The following SNX32 variants were observed in gnomAD, a reference collection of about 807,000 sequenced individuals.
SNX32 encodes the protein sorting nexin 32, also known as sorting nexin-32.
SNX32 carries 58 observed loss-of-function variants against 57.0 expected under a neutral mutation model. That is an observed-to-expected ratio of 1.02 (90% CI 0.82 to 1.27). SNX32 has a LOEUF of 1.27. SNX32 is among the 50% of genes most tolerant of loss of function. The pLI, the probability that SNX32 is intolerant of heterozygous loss-of-function variation, is 0.00. For synonymous variants in SNX32, 262 were observed against 220.4 expected (o/e 1.19, Z -1.67); for missense variants, 589 against 541.2 (o/e 1.09, Z -0.88).
In SNX32 at chr11:65,840,755, G is replaced by A. The variant is rs530087366; in HGVS notation, c.36+6654G>A. On this transcript the variant is annotated intron_variant, in intron 1 of 12. Transcript: ENST00000308342. ...GGAGTTCAAGGCTGCCATGAGCCAAGATGGCACTACCACACTCCATCCTGG... is the reference window on the plus strand; with the variant it reads ...GGAGTTCAAGGCTGCCATGAGCCAAAATGGCACTACCACACTCCATCCTGG... Among the ~76,000 whole-genome samples the A allele has an allele frequency of 3.7e-3, 550 of 150,532 alleles. 2 individuals carry two copies. Among genetic ancestry groups the A allele is most frequent in the Non-Finnish European group, 6.5e-3 (444 of 67,838 alleles).
At chr11:65,848,179 T>C (rs1010200730) in intron 1 of SNX32, among the ~76,000 whole-genome samples, 1 of 151,986 alleles carries the variant, frequency 6.6e-6, no homozygotes, top group Non-Finnish European at 1.5e-5. Context: ...GGCCTCCAGA[T>C]TGAGAGGTGG....
chr11:65,844,923 G>A (rs1057492372), intron 1 of SNX32, among the ~76,000 whole-genome samples: 8 of 149,618 alleles, frequency 5.3e-5, no homozygotes, highest in Admixed American at 2.7e-4. Context: ...CTAAGATCAC[G>A]TCACTGCACT....
At position 65,851,664 on chromosome 11, in the gene SNX32, C is replaced by G; in HGVS notation, c.810C>G (p.Leu270=). 1 of 1,614,116 alleles carries G rather than the reference C, an allele frequency of 6.2e-7. No individual in the cohort carries two copies. Among genetic ancestry groups the G allele is most frequent in the Non-Finnish European group, 8.5e-7 (1 of 1,180,004 alleles). ...GGAGCTTCCTCAAATTGGCAGAGCT[C>G]TTTGAACGGCTGAGGGTGAGTACTG... is the stretch of plus-strand genomic sequence containing the variant. The part of the protein sequence containing the change: ...LRTSFLKLAE[L]FERLRKLEGR... Residue 270 remains leucine (L), a synonymous_variant, in exon 9 of 13, where the codon CTC becomes CTG. Transcript: ENST00000308342.
intron 1 of SNX32, among the ~76,000 whole-genome samples, chr11:65,845,337 C>CT (rs1244885474): frequency 1.3e-5 from 2 of 151,458 alleles, no homozygotes; most frequent in African/African-American, 4.9e-5. Context: ...ACTAGGGAGG[C>CT]TGAGGCAGGA....
At chr11:65,846,557 ACT>A (rs1368956445) in intron 1 of SNX32, among the ~76,000 whole-genome samples, 2 of 151,074 alleles carry the variant, frequency 1.3e-5, no homozygotes, top group East Asian at 3.9e-4. Context: ...CAAGAGTGAA[ACT>A]CTGTCTCGAA....
At position 65,849,866 on chromosome 11, in the gene SNX32, C is replaced by T. The variant is rs142223332; in HGVS notation, c.142-54C>T. ...GCCCAAAAGTGCATGCCCAGACTTG[C>T]TGAGGCAGGGCTTGGGGCAGAGAGA... On this transcript the variant is annotated intron_variant, in intron 2 of 12. Transcript: ENST00000308342. 55 of 1,436,204 alleles carry T rather than the reference C, an allele frequency of 3.8e-5. No individual in the cohort carries two copies. In the African/African-American group the frequency reaches 7.1e-4, roughly 19 times the overall value. The allele number at this position is 1,436,204 out of a possible 1,614,324, so 89.0% of individuals were successfully genotyped here. A position where few individuals can be genotyped will look rare whatever the true frequency, so the allele number is the denominator to read the frequency against.
chr11:65,853,107 G>A (rs1369506424), intron 12 of SNX32, 149 bp downstream of exon 12: 1 of 1,274,846 alleles, frequency 7.8e-7, no homozygotes, highest in African/African-American at 1.5e-5. Flanking sequence ...CTAAGGCTTG[G>A]GGCCATGCTT....
At position 65,849,552 on chromosome 11, in the gene SNX32, G is replaced by A. The variant is rs373141731; in HGVS notation, c.111G>A (p.Arg37=). 37 of 1,614,194 alleles carry A rather than the reference G, an allele frequency of 2.3e-5. No homozygotes were observed. Among genetic ancestry groups the A allele is most frequent in the Non-Finnish European group, 3.0e-5 (35 of 1,180,018 alleles). The change falls in exon 2 of 13, where the codon CGG becomes CGA. Residue 37 remains arginine, a synonymous_variant. Coordinates refer to ENST00000308342, the MANE Select transcript of SNX32 (RefSeq NM_152760.3). ...AGATTTCTGACGCAGTGAGTGAGCG[G>A]GACAAGGTGAAATTCACTGTTCAAA... ...QVEISDAVSE[R]DKVKFTVQTK...
chr11:65,842,097 C>A (rs1168423984), intron 1 of SNX32, among the ~76,000 whole-genome samples: 1 of 152,046 alleles, frequency 6.6e-6, no homozygotes. Flanking sequence ...AAGTTGGAGG[C>A]TTTGCACTAT....
chr11:65,853,144 G>C (rs1859276976), intron 12 of SNX32, 138 bp from the exon 13 acceptor site: 2 of 1,361,646 alleles, frequency 1.5e-6, no homozygotes, highest in South Asian at 2.4e-5. Context: ...GTGCCTTCTG[G>C]GTAGGAAGGC....
chr11:65,850,152 C>A lies in SNX32; in HGVS notation c.255C>A (p.Ile85=). The A allele has an allele frequency of 1.9e-6, 3 of 1,614,112 alleles. No individual in the cohort carries two copies. The highest frequency in any genetic ancestry group is 1.1e-5 in the South Asian group (1 of 91,074). The part of the protein sequence containing the change: ...VENEEYAGLI[I]PPAPPRPDFE... ...AGCTCCGTCCCTCCTTTGAGCAGAT[C>A]CCCCCAGCCCCTCCGAGGCCAGACT... The change falls in exon 4 of 13, where the codon ATC becomes ATA. Residue 85 remains isoleucine (I), a splice_region_variant and synonymous_variant. Coordinates refer to ENST00000308342, the MANE Select transcript of SNX32 (RefSeq NM_152760.3).
chr11:65,835,782 A>C (rs1003699473), intron 1 of SNX32: 1 of 152,224 alleles, frequency 6.6e-6, no homozygotes, highest in African/African-American at 2.4e-5. Context: ...GCAAGGGGAG[A>C]GCCTGCCTTG....
intron 9 of SNX32, 140 bp downstream of exon 9, chr11:65,851,819 G>A (rs142232625): frequency 5.5e-6 from 5 of 910,544 alleles, no homozygotes; most frequent in Non-Finnish European, 7.1e-6. Context: ...TTACACTCCA[G>A]ACTAGTTTAA....
Position 65,852,513 on chromosome 11 carries a change from A to G in SNX32, c.874A>G (p.Met292Val), listed in dbSNP as rs769403731. The stretch of plus-strand genomic sequence containing the variant: ...CGATGAGGACCTGAAGCTGTCAGAC[A>G]TGCTGAGGTACTACATGCGTGACTC... ...ASDEDLKLSD[M>V]LRYYMRDSQA... Residue 292 changes from methionine to valine, a missense_variant, in exon 10 of 13, where the codon ATG (methionine) becomes GTG (valine). Transcript: ENST00000308342. The G allele has an allele frequency of 5.0e-6, 8 of 1,614,102 alleles. No homozygotes were observed. The highest frequency in any genetic ancestry group is 6.8e-6 in the Non-Finnish European group (8 of 1,180,038).
Position 65,853,323 on chromosome 11 carries a change from G to A in SNX32, c.1200G>A (p.Lys400=). Residue 400 remains lysine, a synonymous_variant, in exon 13 of 13, where the codon AAG becomes AAA. Coordinates refer to ENST00000308342, the MANE Select transcript of SNX32 (RefSeq NM_152760.3). ...LILRNTLVAL[K]GEP The stretch of plus-strand genomic sequence containing the variant: ...TCCGGAACACCCTTGTTGCCCTAAA[G>A]GGGGAGCCTTAGAGTAGCCAGAGCT... 1.9e-6 allele frequency: 3 copies of A among 1,614,068 alleles called. No homozygotes were observed. The highest frequency in any genetic ancestry group is 2.5e-6 in the Non-Finnish European group (3 of 1,179,994).
rs374700235 is a variant in SNX32 at position 65,851,583 on chromosome 11, G to C, written c.786-57G>C. ...ATTCCCAAGGAGAGGCTGAGACAGA[G>C]AGGCTTTGAGCTGTTCCTCAGCCCC... On this transcript the variant is annotated intron_variant, in intron 8 of 12. Coordinates refer to ENST00000308342, the MANE Select transcript of SNX32 (RefSeq NM_152760.3). 2.9e-5 allele frequency: 46 copies of C among 1,598,062 alleles called. No individual in the cohort carries two copies. In the African/African-American group the frequency reaches 5.1e-4, roughly 18 times the overall value.
Position 65,850,874 on chromosome 11 carries a change from C to T in SNX32, c.603+19C>T. The T allele has an allele frequency of 6.9e-6, 11 of 1,604,722 alleles. No individual in the cohort carries two copies. Among genetic ancestry groups the T allele is most frequent in the Non-Finnish European group, 9.4e-6 (11 of 1,172,602 alleles). ...GCTCAAGGTAACCCCTGGTGCTCCT[C>T]TCCGGATTCAACCCAGCACCTCAAG... On this transcript the variant is annotated intron_variant, in intron 6 of 12. Coordinates refer to ENST00000308342, the MANE Select transcript of SNX32 (RefSeq NM_152760.3).
chr11:65,852,685 C>A lies in SNX32; in HGVS notation c.968C>A (p.Ala323Glu). 7.5e-6 allele frequency: 12 copies of A among 1,597,014 alleles called. No homozygotes were observed. Among genetic ancestry groups the A allele is most frequent in the African/African-American group, 1.3e-5 (1 of 74,736 alleles). Residue 323 changes from alanine to glutamate, a missense_variant, in exon 11 of 13, where the codon GCG becomes GAG. Ala to Glu is a moderately radical substitution (Grantham distance 107, BLOSUM62 -1). Coordinates refer to ENST00000308342, the MANE Select transcript of SNX32 (RefSeq NM_152760.3). ...ALADYENANK[A>E]LDKARTRNRE... is the part of the protein sequence containing the mutation. ...GCCGACTACGAGAATGCCAACAAGG[C>A]GCTGGACAAGGCGCGCACCAGGAAC...
intron 1 of SNX32, among the ~76,000 whole-genome samples, chr11:65,844,217 C>G (rs1591030203): frequency 6.6e-6 from 1 of 152,170 alleles, no homozygotes; most frequent in Non-Finnish European, 1.5e-5. Flanking sequence ...AGGCCTTGCA[C>G]TATCTGATTT....
Sources: allele counts gnomAD v4.1 joint callset (sites outside exome capture counted in the v4.1 genomes callset), GRCh38; gene constraint gnomAD v4.1.1; transcripts MANE v1.5; gene names NCBI Gene and HGNC (gene_info 2026-07-23, HGNC 2026-07-21).